Variants in NF2 observed in about 807,000 individuals in gnomAD.
NF2 encodes NF2, moesin-ezrin-radixin like (MERLIN) tumor suppressor.
A neutral mutation model predicts 83.7 loss-of-function variants in NF2; 8 were observed. That is an observed-to-expected ratio of 0.10 (90% CI 0.06 to 0.17). The LOEUF (loss-of-function observed/expected upper bound fraction) is 0.17. Among genes scored for constraint, NF2 ranks in the 10% least tolerant of loss-of-function variants. NF2 has a pLI of 1.00. For synonymous variants in NF2, 266 were observed against 269.6 expected (o/e 0.99, Z 0.13); for missense variants, 533 against 744.4 (o/e 0.72, Z 3.31).
chr22:29,663,210 T>C (rs1327384945), intron 8 of NF2, among the ~76,000 whole-genome samples: 1 of 152,232 alleles, frequency 6.6e-6, no homozygotes, highest in Non-Finnish European at 1.5e-5. Flanking sequence ...TGGTAGTTTT[T>C]CATCTCCCAA....
At chr22:29,656,504 C>T (rs1488795210) in intron 6 of NF2, among the ~76,000 whole-genome samples, 1 of 149,640 alleles carries the variant, frequency 6.7e-6, no homozygotes, top group Non-Finnish European at 1.5e-5. Flanking sequence ...CTCCGCCTCC[C>T]AGGTTCACGC....
intron 7 of NF2, among the ~76,000 whole-genome samples, chr22:29,660,844 G>A (rs937384216): frequency 1.3e-5 from 2 of 152,222 alleles, no homozygotes; most frequent in African/African-American, 4.8e-5. Flanking sequence ...TGGGATTACA[G>A]GCATGAGCCA....
At position 29,624,901 on chromosome 22, in the gene NF2, T is replaced by TTCTC. The variant is rs141837477; in HGVS notation, c.115-11832_115-11829dup. On this transcript the variant is annotated intron_variant, in intron 1 of 15. Coordinates refer to ENST00000338641, the MANE Select transcript of NF2 (RefSeq NM_000268.4). ...TCTCCTCTTTCTGTCTCTCTCTTCT[T>TTCTC]TCTCTCTCTCTCTCTCTCTCTTTCT... 6.7e-3 allele frequency among the ~76,000 whole-genome samples: 961 copies of TTCTC among 143,262 alleles called. 16 individuals carry two copies. Among genetic ancestry groups the TTCTC allele is most frequent in the Admixed American group, 0.021 (298 of 14,238 alleles). 94.0% of individuals were successfully genotyped at this position (143,262 alleles called of 152,430 possible).
intron 1 of NF2, among the ~76,000 whole-genome samples, chr22:29,620,720 G>C (rs1360924770): frequency 6.6e-6 from 1 of 151,370 alleles, no homozygotes; most frequent in Admixed American, 6.6e-5. Flanking sequence ...GAGAGACTCC[G>C]ACTCCAAAAA....
At chr22:29,619,972 A>G (rs2065174768) in intron 1 of NF2, among the ~76,000 whole-genome samples, 1 of 152,162 alleles carries the variant, frequency 6.6e-6, no homozygotes, top group Non-Finnish European at 1.5e-5. Context: ...TTCAAGAGAT[A>G]TTATAAAATA....
At chr22:29,647,209 A>C (rs1391213306) in intron 4 of NF2, among the ~76,000 whole-genome samples, 1 of 152,152 alleles carries the variant, frequency 6.6e-6, no homozygotes, top group African/African-American at 2.4e-5. Flanking sequence ...TATGAATCTC[A>C]TGTTGCTGTG....
intron 3 of NF2, among the ~76,000 whole-genome samples, chr22:29,640,771 G>A (rs1364053511): frequency 3.5e-4 from 1 of 2,870 alleles, no homozygotes; most frequent in Non-Finnish European, 9.8e-4. Flanking sequence ...TGGGGGGCGT[G>A]TGTGTGTGTG....
intron 1 of NF2, among the ~76,000 whole-genome samples, chr22:29,618,592 A>G (rs9614011): frequency 0.24 from 36,040 of 152,132 alleles, 4,407 homozygotes; most frequent in Non-Finnish European, 0.29. Context: ...GTAATTTGCC[A>G]GGAGGCTAAA....
intron 4 of NF2, among the ~76,000 whole-genome samples, chr22:29,643,110 C>A (rs1002345241): frequency 1.3e-5 from 2 of 152,064 alleles, no homozygotes; most frequent in Non-Finnish European, 2.9e-5. Context: ...AGAATTGGGG[C>A]TCCTTGATTA....
chr22:29,672,586 A>G (rs954311338), intron 11 of NF2, among the ~76,000 whole-genome samples: 7 of 151,600 alleles, frequency 4.6e-5, no homozygotes, highest in South Asian at 4.2e-4. Context: ...TGCTGGGATT[A>G]TAGGTGTTAG....
chr22:29,618,809 T>C (rs1299265955), intron 1 of NF2, among the ~76,000 whole-genome samples: 1 of 152,208 alleles, frequency 6.6e-6, no homozygotes. Context: ...TGCAGATCAT[T>C]CCAGCATACA....
At chr22:29,690,228 A>G (rs1051680252) in intron 15 of NF2, among the ~76,000 whole-genome samples, 2 of 152,232 alleles carry the variant, frequency 1.3e-5, no homozygotes, top group Non-Finnish European at 2.9e-5. Context: ...TGCCTGGGTT[A>G]GAGAGTGCCG....
intron 1 of NF2, among the ~76,000 whole-genome samples, chr22:29,607,615 G>T (rs1431668296): frequency 6.6e-6 from 1 of 152,114 alleles, no homozygotes; most frequent in Admixed American, 6.6e-5. Context: ...ATTGTGAGAC[G>T]TACAAAGAAA....
intron 4 of NF2, among the ~76,000 whole-genome samples, chr22:29,652,583 G>A (rs944337330): frequency 3.3e-5 from 5 of 152,122 alleles, no homozygotes; most frequent in African/African-American, 9.7e-5. Context: ...GATTACAGGT[G>A]TGAGCCACCA....
intron 1 of NF2, among the ~76,000 whole-genome samples, chr22:29,630,519 G>A (rs1301696710): frequency 1.3e-5 from 2 of 152,232 alleles, no homozygotes; most frequent in African/African-American, 4.8e-5. Context: ...CCACAAAGGC[G>A]AGAAGCATCC....
At chr22:29,632,121 G>T (rs1365063275) in intron 1 of NF2, among the ~76,000 whole-genome samples, 5 of 152,178 alleles carry the variant, frequency 3.3e-5, no homozygotes, top group Non-Finnish European at 7.3e-5. Context: ...AGTTGACAAA[G>T]AATTGATTTT....
At chr22:29,685,935 T>C (rs560693315) in intron 15 of NF2, among the ~76,000 whole-genome samples, 1 of 152,048 alleles carries the variant, frequency 6.6e-6, no homozygotes, top group East Asian at 1.9e-4. Flanking sequence ...TTCTCTATAA[T>C]TCTTACTCGC....
At chr22:29,633,322 A>G (rs2065563405) in intron 1 of NF2, among the ~76,000 whole-genome samples, 1 of 152,072 alleles carries the variant, frequency 6.6e-6, no homozygotes, top group African/African-American at 2.4e-5. Flanking sequence ...CTTCTCCTTG[A>G]TTCCATCTCT....
In NF2 at chr22:29,634,042, G is replaced by C. The variant is rs538350792; in HGVS notation, c.115-2709G>C. On this transcript the variant is annotated intron_variant, in intron 1 of 15. Transcript: ENST00000338641. ...CTGGAAAAGGTGTCTGGGGAGTGCT[G>C]GACAGCAAGAACAAAGGGACCCCAC... Among the ~76,000 whole-genome samples, 8 of 152,266 alleles carry C rather than the reference G, an allele frequency of 5.3e-5. No homozygotes were observed. The South Asian group carries it at 1.7e-3, about 32-fold the overall frequency.
Sources: gnomAD v4.1 joint callset for allele counts (sites outside exome capture counted in the v4.1 genomes callset) on GRCh38, gnomAD v4.1.1 for gene constraint, MANE v1.5 for transcripts, NCBI Gene and HGNC (gene_info 2026-07-23, HGNC 2026-07-21) for gene names.